RNF138: variants seen among roughly 807,000 people sequenced by gnomAD.
The protein encoded by RNF138 is E3 ubiquitin-protein ligase RNF138.
RNF138 carries 12 observed loss-of-function variants against 31.0 expected under a neutral mutation model. That is an observed-to-expected ratio of 0.39 (90% CI 0.25 to 0.63). The LOEUF is 0.63. Ranked by LOEUF, RNF138 falls within the 20% of genes least tolerant of loss-of-function variation. The pLI is 0.52. For synonymous variants in RNF138, 105 were observed against 99.5 expected (o/e 1.06, Z -0.33); for missense variants, 192 against 300.1 (o/e 0.64, Z 2.66).
rs544058309 is a variant in RNF138 at position 32,101,664 on chromosome 18, A to G, written c.110+8778A>G. Among the ~76,000 whole-genome samples the G allele has an allele frequency of 2.0e-5, 3 of 152,242 alleles. 1 individual carries two copies. The East Asian group carries it at 5.8e-4, about 29-fold the overall frequency. On this transcript the variant is annotated intron_variant, in intron 2 of 7. Coordinates refer to ENST00000261593, the MANE Select transcript of RNF138 (RefSeq NM_016271.5). ...ATGTACGCAATAAGTGTTAACTGCTATTTTCATAAATGTCATGTTGCTTTC... is the reference window on the plus strand; with the variant it reads ...ATGTACGCAATAAGTGTTAACTGCTGTTTTCATAAATGTCATGTTGCTTTC...
At chr18:32,123,097 G>A (rs1454751747) in intron 4 of RNF138, among the ~76,000 whole-genome samples, 1 of 152,086 alleles carries the variant, frequency 6.6e-6, no homozygotes, top group East Asian at 1.9e-4. Context: ...GCACTTTGGA[G>A]GGCATAACCT....
chr18:32,101,981 A>ATCC (rs1446871886), intron 2 of RNF138, among the ~76,000 whole-genome samples: 1 of 151,372 alleles, frequency 6.6e-6, no homozygotes, highest in East Asian at 1.9e-4. Flanking sequence ...GGCTTAAGCG[A>ATCC]TCCTCCCACC....
chr18:32,123,719 C>A, intron 5 of RNF138, 145 bp downstream of exon 5: 2 of 485,414 alleles, frequency 4.1e-6, no homozygotes, highest in Non-Finnish European at 7.0e-6. Flanking sequence ...GTGGTGCGAT[C>A]TTGGCTCACT....
intron 2 of RNF138, among the ~76,000 whole-genome samples, chr18:32,110,569 C>T (rs1362098271): frequency 1.3e-5 from 2 of 152,156 alleles, no homozygotes; most frequent in Non-Finnish European, 2.9e-5. Context: ...TGCACCATTT[C>T]CTCTCAACTT....
rs2144313579 is a variant in RNF138 at position 32,131,225 on chromosome 18, C to T, written c.*2038C>T. Reference sequence around the variant, plus strand: ...TGATAGTCTTGTGTGTCTCACATATCAGCTTTTTCATAAGGAAAATACTTT... The same window carrying T: ...TGATAGTCTTGTGTGTCTCACATATTAGCTTTTTCATAAGGAAAATACTTT... On this transcript the variant is annotated 3_prime_UTR_variant, in exon 8 of 8. Transcript: ENST00000261593. The T allele has an allele frequency of 6.6e-6, 1 of 152,206 alleles. No homozygotes were observed. Among genetic ancestry groups the T allele is most frequent in the Non-Finnish European group, 1.5e-5 (1 of 67,950 alleles). The allele number at this position is 152,206 out of a possible 1,614,324, so 9.4% of individuals were successfully genotyped here.
At position 32,092,967 on chromosome 18, in the gene RNF138, C is replaced by T. The variant is rs898725891; in HGVS notation, c.110+81C>T. ...CCGGCCCGGGACCCCGGGCTGCCGC[C>T]TGGCGGGAACCGAGCCCGCCGCGGC... On this transcript the variant is annotated intron_variant, in intron 2 of 7. Transcript: ENST00000261593. The T allele has an allele frequency of 6.6e-6, 5 of 757,500 alleles. No individual in the cohort carries two copies. In the African/African-American group the frequency reaches 9.3e-5, roughly 14 times the overall value. The allele number at this position is 757,500 out of a possible 1,614,324, so 46.9% of individuals were successfully genotyped here. A position where few individuals can be genotyped will look rare whatever the true frequency, so the allele number is the denominator to read the frequency against.
chr18:32,109,162 T>A (rs1245773024), intron 2 of RNF138, among the ~76,000 whole-genome samples: 1 of 151,708 alleles, frequency 6.6e-6, no homozygotes, highest in African/African-American at 2.4e-5. Flanking sequence ...TCTTTCTTTT[T>A]TTTTTTTTTT....
At chr18:32,112,611 G>A (rs543659840) in intron 3 of RNF138, among the ~76,000 whole-genome samples, 28 of 152,288 alleles carry the variant, frequency 1.8e-4, no homozygotes, top group Middle Eastern at 6.8e-3. Context: ...GAACCTGGGC[G>A]GCAGAGGTTG....
chr18:32,096,033 T>A (rs576276484), intron 2 of RNF138, among the ~76,000 whole-genome samples: 18 of 152,316 alleles, frequency 1.2e-4, no homozygotes. Flanking sequence ...AGAGGATGAA[T>A]GTGAGCTGGA....
At chr18:32,105,211 C>T (rs2040009278) in intron 2 of RNF138, among the ~76,000 whole-genome samples, 1 of 152,152 alleles carries the variant, frequency 6.6e-6, no homozygotes, top group African/African-American at 2.4e-5. Flanking sequence ...CCTGCCTCAG[C>T]CTCCTGAGTA....
chr18:32,111,826 G>C lies in RNF138; in HGVS notation c.183G>C (p.Val61=). Residue 61 remains valine (V), a synonymous_variant, in exon 3 of 8, where the codon GTG becomes GTC. Coordinates refer to ENST00000261593, the MANE Select transcript of RNF138 (RefSeq NM_016271.5). Reference sequence around the variant, plus strand: ...ATTGTCCCCTATGTCGTGGAAATGTGACTAGAAGAGAGAGAGCATGTCCTG... The same window carrying C: ...ATTGTCCCCTATGTCGTGGAAATGTCACTAGAAGAGAGAGAGCATGTCCTG... ...GAHCPLCRGN[V]TRRERACPER... is the part of the protein sequence containing the mutation. The C allele has an allele frequency of 2.5e-6, 4 of 1,613,824 alleles. No individual in the cohort carries two copies. The highest frequency in any genetic ancestry group is 3.4e-6 in the Non-Finnish European group (4 of 1,179,830).
chr18:32,093,002 C>T (rs1188215512), intron 2 of RNF138, 116 bp downstream of exon 2: 2 of 519,880 alleles, frequency 3.8e-6, no homozygotes, highest in Non-Finnish European at 3.2e-6. Context: ...CCTGCCCGAG[C>T]GTCGCTGCCC....
At chr18:32,097,922 GTGTGTA>G (rs1408276501) in intron 2 of RNF138, among the ~76,000 whole-genome samples, 1 of 149,716 alleles carries the variant, frequency 6.7e-6, no homozygotes, top group Admixed American at 6.8e-5. Context: ...TTGTGTGTGT[GTGTGTA>G]TATGTGTATG....
intron 4 of RNF138, 76 bp from the exon 5 acceptor site, chr18:32,123,442 A>T: frequency 2.2e-6 from 2 of 895,584 alleles, no homozygotes; most frequent in Non-Finnish European, 3.3e-6. Flanking sequence ...CTTCTTCATT[A>T]ATGGTTCAAG....
Position 32,106,537 on chromosome 18 carries a change from TTTTTA to T in RNF138, c.111-5203_111-5199del, listed in dbSNP as rs773688913. 1.4e-4 allele frequency among the ~76,000 whole-genome samples: 21 copies of T among 150,684 alleles called. No individual in the cohort carries two copies. In the South Asian group the frequency reaches 2.3e-3, roughly 17 times the overall value. ...AAGATACTAGAAGTTGAAAAATTATTTTTTATTTTATTTTATTTATTTATTTATTT... is the reference window on the plus strand; with the variant it reads ...AAGATACTAGAAGTTGAAAAATTATTTTTTATTTTATTTATTTATTTATTT... On this transcript the variant is annotated intron_variant, in intron 2 of 7. Transcript: ENST00000261593.
At chr18:32,094,700 A>T (rs2039773574) in intron 2 of RNF138, among the ~76,000 whole-genome samples, 2 of 152,154 alleles carry the variant, frequency 1.3e-5, no homozygotes, top group South Asian at 4.1e-4. Flanking sequence ...ATTTAAAAAA[A>T]ATTTAAGTGC....
chr18:32,130,988 C>T lies in RNF138; in HGVS notation c.*1801C>T, dbSNP rs1273854182. On this transcript the variant is annotated 3_prime_UTR_variant, in exon 8 of 8. Transcript: ENST00000261593. ...TAGTTTCTTTCAAAGTTTAATACAT[C>T]CAATATGTCAAGTTAAACCATTCTG... is the stretch of plus-strand genomic sequence containing the variant. The T allele has an allele frequency of 1.1e-5, 1 of 90,820 alleles. No individual in the cohort carries two copies. The highest frequency in any genetic ancestry group is 2.4e-5 in the Non-Finnish European group (1 of 42,272). 5.6% of individuals were successfully genotyped at this position (90,820 alleles called of 1,614,324 possible).
In RNF138 at chr18:32,111,885, A is replaced by G. The variant is rs7229690; in HGVS notation, c.242A>G (p.Lys81Arg). Reference protein sequence around the residue: ...RALDLENIMRKFSGSCRCCAK... With the variant: ...RALDLENIMRRFSGSCRCCAK... ...TTAGACCTTGAAAATATAATGAGGA[A>G]GTTTTCTGGTAGCTGCAGATGCTGT... The change falls in exon 3 of 8, where the codon AAG becomes AGG. Residue 81 changes from lysine to arginine, a missense_variant. Lys to Arg is a conservative substitution (Grantham distance 26). Coordinates refer to ENST00000261593, the MANE Select transcript of RNF138 (RefSeq NM_016271.5). The G allele has an allele frequency of 1.4e-3, 2,182 of 1,613,126 alleles. 38 individuals carry two copies. In the African/African-American group the frequency reaches 0.026, roughly 19 times the overall value.
chr18:32,110,230 C>CTGTACTCCTGCCT (rs2040103897), intron 2 of RNF138, among the ~76,000 whole-genome samples: 1 of 152,156 alleles, frequency 6.6e-6, no homozygotes, highest in South Asian at 2.1e-4. Flanking sequence ...TTGCCTCAAG[C>CTGTACTCCTGCCT]TGTCCTCCTG....
Sources: gnomAD v4.1 joint callset for allele counts (sites outside exome capture counted in the v4.1 genomes callset) on GRCh38, gnomAD v4.1.1 for gene constraint, MANE v1.5 for transcripts, NCBI Gene and HGNC (gene_info 2026-07-23, HGNC 2026-07-21) for gene names.